The following GPR149 variants were observed in gnomAD, a reference collection of about 807,000 sequenced individuals.
GPR149 encodes probable G protein-coupled receptor 149.
Under a neutral mutation model 50.2 loss-of-function variants are expected in GPR149, and 50 were observed. That is an observed-to-expected ratio of 1.00 (90% CI 0.79 to 1.26). The LOEUF is 1.26. Among genes scored for constraint, GPR149 ranks in the 50% most tolerant of loss-of-function variants. GPR149 has a pLI of 0.00. For missense variants in GPR149, 983 were observed against 895.4 expected (o/e 1.10, Z -1.25); for synonymous variants, 405 against 358.2 (o/e 1.13, Z -1.48).
chr3:154,373,757 T>A (rs1053353770), intron 3 of GPR149, among the ~76,000 whole-genome samples: 1 of 152,204 alleles, frequency 6.6e-6, no homozygotes, highest in Non-Finnish European at 1.5e-5. Context: ...CTCTCAGGAC[T>A]CCTTTATTCA....
rs945665187 is a variant in GPR149 at position 154,398,904 on chromosome 3, C to T, written c.1623+22135G>A. On this transcript the variant is annotated intron_variant, in intron 3 of 3. Transcript: ENST00000389740. ...TTGCTCAAATTAACGTACAAAATGACGTCTCATCCTATTCACAGAGCTGAA... is the reference window on the plus strand; with the variant it reads ...TTGCTCAAATTAACGTACAAAATGATGTCTCATCCTATTCACAGAGCTGAA... 3.3e-5 allele frequency among the ~76,000 whole-genome samples: 5 copies of T among 152,104 alleles called. No individual in the cohort carries two copies. The South Asian group carries it at 6.2e-4, about 19-fold the overall frequency.
At chr3:154,358,601 G>T (rs1392041449) in intron 3 of GPR149, among the ~76,000 whole-genome samples, 2 of 152,098 alleles carry the variant, frequency 1.3e-5, no homozygotes, top group African/African-American at 4.8e-5. Context: ...AAGCCACTAC[G>T]CAGCCTACAA....
intron 3 of GPR149, among the ~76,000 whole-genome samples, chr3:154,385,011 T>C (rs546489721): frequency 5.3e-5 from 8 of 152,336 alleles, no homozygotes; most frequent in African/African-American, 1.7e-4. Flanking sequence ...GAATATCTTT[T>C]GCGTGTGATA....
At chr3:154,364,629 C>T (rs963125796) in intron 3 of GPR149, among the ~76,000 whole-genome samples, 2 of 152,188 alleles carry the variant, frequency 1.3e-5, no homozygotes, top group African/African-American at 2.4e-5. Context: ...AGAAGTAATA[C>T]GTTTCAAGTA....
rs1712440226 is a variant in GPR149 at position 154,430,036 on chromosome 3, CT to C, written c.-422del. Among the ~76,000 whole-genome samples, 1 of 151,944 alleles carries C rather than the reference CT, an allele frequency of 6.6e-6. No homozygotes were observed. The highest frequency in any genetic ancestry group is 1.9e-4 in the East Asian group (1 of 5,178). On this transcript the variant is annotated 5_prime_UTR_variant, in exon 1 of 4. The change creates a premature stop within an existing upstream ORF in the 5' untranslated region. Coordinates refer to ENST00000389740, the MANE Select transcript of GPR149 (RefSeq NM_001038705.3). ...GCTTGAGATAATCAAACTCTGTTCA[CT>C]TTTAAGAGCAGTAAAATGATGCATT...
At chr3:154,344,281 T>A (rs1250530554) in intron 3 of GPR149, among the ~76,000 whole-genome samples, 5 of 152,110 alleles carry the variant, frequency 3.3e-5, no homozygotes, top group African/African-American at 9.7e-5. Context: ...CTATACAACT[T>A]GAGTCACAAA....
intron 3 of GPR149, among the ~76,000 whole-genome samples, chr3:154,406,297 T>A (rs1711683447): frequency 6.6e-6 from 1 of 152,160 alleles, no homozygotes; most frequent in South Asian, 2.1e-4. Flanking sequence ...GGAAAAAAGA[T>A]CCTCTTTCAC....
chr3:154,403,628 C>CA (rs1446266858), intron 3 of GPR149, among the ~76,000 whole-genome samples: 1 of 152,126 alleles, frequency 6.6e-6, no homozygotes, highest in Non-Finnish European at 1.5e-5. Context: ...GGGATCCTCC[C>CA]AGCCTTGGAA....
Position 154,407,719 on chromosome 3 carries a change from C to CACACACACACACACACACAT in GPR149, c.1623+13319_1623+13320insATGTGTGTGTGTGTGTGTGT, listed in dbSNP as rs759884952. Among the ~76,000 whole-genome samples the CACACACACACACACACACAT allele has an allele frequency of 7.4e-4, 112 of 150,446 alleles. 1 individual carries two copies. Among genetic ancestry groups the CACACACACACACACACACAT allele is most frequent in the South Asian group, 7.0e-3 (33 of 4,726 alleles). On this transcript the variant is annotated intron_variant, in intron 3 of 3. Transcript: ENST00000389740. ...ACACACACACACACACACACACACA[C>CACACACACACACACACACAT]ATATATATATATATATTTCCTAGCT...
At chr3:154,399,528 A>G (rs1201666299) in intron 3 of GPR149, among the ~76,000 whole-genome samples, 1 of 152,158 alleles carries the variant, frequency 6.6e-6, no homozygotes, top group Non-Finnish European at 1.5e-5. Context: ...CTTCTTTCTA[A>G]TCACTCTGTA....
chr3:154,410,333 G>A (rs1711801550), intron 3 of GPR149, among the ~76,000 whole-genome samples: 1 of 151,948 alleles, frequency 6.6e-6, no homozygotes, highest in African/African-American at 2.4e-5. Flanking sequence ...AAAAAACCAA[G>A]TTATTCAGGC....
intron 3 of GPR149, chr3:154,353,541 C>G: frequency 3.2e-6 from 3 of 946,560 alleles, no homozygotes; most frequent in Non-Finnish European, 5.2e-6. Context: ...ACCAGGGGTT[C>G]CAACCAAGAT....
At chr3:154,366,263 A>G (rs1028038484) in intron 3 of GPR149, among the ~76,000 whole-genome samples, 7 of 152,196 alleles carry the variant, frequency 4.6e-5, no homozygotes, top group Non-Finnish European at 7.4e-5. Context: ...AATAGAGATC[A>G]TAAGACTGAT....
intron 3 of GPR149, among the ~76,000 whole-genome samples, chr3:154,409,996 A>G (rs55704807): frequency 0.084 from 12,767 of 152,196 alleles, 1,776 homozygotes; most frequent in African/African-American, 0.29. Context: ...ATCAGGTAAC[A>G]TATAAAGGAA....
chr3:154,352,283 C>T (rs1341430988), intron 3 of GPR149: 4 of 866,248 alleles, frequency 4.6e-6, no homozygotes, highest in Middle Eastern at 4.8e-4. Context: ...ACTGGCCTGA[C>T]CCGCCTGACC....
intron 3 of GPR149, among the ~76,000 whole-genome samples, chr3:154,381,049 A>G (rs1306288595): frequency 6.6e-6 from 1 of 152,230 alleles, no homozygotes; most frequent in Non-Finnish European, 1.5e-5. Context: ...ATTAGTCTAT[A>G]TGAAACAGGA....
intron 3 of GPR149, among the ~76,000 whole-genome samples, chr3:154,368,863 T>C (rs931984553): frequency 2.0e-5 from 3 of 152,308 alleles, no homozygotes; most frequent in Admixed American, 6.5e-5. Context: ...GGCCTTAGCA[T>C]GCAAGCATCA....
chr3:154,353,558 A>C lies in GPR149; in HGVS notation c.1624-15287T>G, dbSNP rs541658048. ...CAGGGGTTCCAACCAAGATGTCAAT[A>C]CCATTTTGCATATGATTAATTTGGC... is the stretch of plus-strand genomic sequence containing the variant. On this transcript the variant is annotated intron_variant, in intron 3 of 3. Transcript: ENST00000389740. 1.2e-5 allele frequency: 12 copies of C among 995,026 alleles called. No homozygotes were observed. The South Asian group carries it at 1.4e-4, about 12-fold the overall frequency. The allele number at this position is 995,026 out of a possible 1,614,324, so 61.6% of individuals were successfully genotyped here. A position where few individuals can be genotyped will look rare whatever the true frequency, so the allele number is the denominator to read the frequency against.
chr3:154,390,384 A>G (rs900457120), intron 3 of GPR149, among the ~76,000 whole-genome samples: 8 of 152,134 alleles, frequency 5.3e-5, no homozygotes, highest in African/African-American at 1.9e-4. Flanking sequence ...AAAATATAAG[A>G]AAATGTGAAA....
Sources: allele counts gnomAD v4.1 joint callset (sites outside exome capture counted in the v4.1 genomes callset), GRCh38; gene constraint gnomAD v4.1.1; transcripts MANE v1.5; gene names NCBI Gene and HGNC (gene_info 2026-07-23, HGNC 2026-07-21).